GRIA2: variants seen among roughly 807,000 people sequenced by gnomAD.
GRIA2 encodes glutamate receptor 2.
Under a neutral mutation model 97.3 loss-of-function variants are expected in GRIA2, and 14 were observed. That is an observed-to-expected ratio of 0.14 (90% confidence interval 0.10 to 0.23). The LOEUF is 0.23. GRIA2 is among the 10% of genes least tolerant of loss of function. The pLI, the probability that GRIA2 is intolerant of heterozygous loss-of-function variation, is 1.00. For missense variants in GRIA2, 558 were observed against 1,069.8 expected (o/e 0.52, Z 6.67); for synonymous variants, 412 against 387.8 (o/e 1.06, Z -0.73).
At chr4:157,322,288 A>G (rs1214486185) in intron 6 of GRIA2, among the ~76,000 whole-genome samples, 6 of 151,108 alleles carry the variant, frequency 4.0e-5, no homozygotes, top group Non-Finnish European at 7.4e-5. Flanking sequence ...TGTGTATAAA[A>G]TAACAGTTGA....
At chr4:157,230,094 TG>T (rs1193370761) in intron 2 of GRIA2, among the ~76,000 whole-genome samples, 1 of 152,156 alleles carries the variant, frequency 6.6e-6, no homozygotes, top group Non-Finnish European at 1.5e-5. Context: ...ATAAATTTAA[TG>T]GAAACTCAAG....
At chr4:157,310,575 A>T (rs1734036060) in intron 3 of GRIA2, among the ~76,000 whole-genome samples, 1 of 151,992 alleles carries the variant, frequency 6.6e-6, no homozygotes, top group South Asian at 2.1e-4. Context: ...ACATCCTGCC[A>T]TCTCATCTGT....
At chr4:157,275,684 T>G (rs1336399960) in intron 2 of GRIA2, among the ~76,000 whole-genome samples, 1 of 152,272 alleles carries the variant, frequency 6.6e-6, no homozygotes, top group African/African-American at 2.4e-5. Flanking sequence ...GTTGTAGATA[T>G]GTGGCATTAT....
intron 2 of GRIA2, among the ~76,000 whole-genome samples, chr4:157,230,638 C>CT (rs111982171): frequency 0.017 from 2,395 of 144,484 alleles, 68 homozygotes; most frequent in African/African-American, 0.057. Flanking sequence ...TCCTTTCTTC[C>CT]TTTTTTTTGT....
intron 2 of GRIA2, among the ~76,000 whole-genome samples, chr4:157,265,504 G>A (rs925488892): frequency 6.6e-6 from 1 of 152,100 alleles, no homozygotes; most frequent in Non-Finnish European, 1.5e-5. Context: ...TCCCAGGGAT[G>A]AACAAATGTT....
chr4:157,262,423 A>G (rs1731582758), intron 2 of GRIA2, among the ~76,000 whole-genome samples: 5 of 151,990 alleles, frequency 3.3e-5, no homozygotes, highest in Non-Finnish European at 7.4e-5. Flanking sequence ...CATAGAAGTT[A>G]TTGGGCCAAT....
intron 2 of GRIA2, among the ~76,000 whole-genome samples, chr4:157,268,084 A>G (rs1731850908): frequency 1.3e-5 from 2 of 152,140 alleles, no homozygotes; most frequent in Admixed American, 1.3e-4. Flanking sequence ...TTTATGAAAT[A>G]TTAACTAAAG....
At chr4:157,295,057 A>T (rs1315678529) in intron 2 of GRIA2, among the ~76,000 whole-genome samples, 1 of 152,138 alleles carries the variant, frequency 6.6e-6, no homozygotes, top group African/African-American at 2.4e-5. Flanking sequence ...TCACATGAGA[A>T]TTATTGCCTA....
At chr4:157,329,585 T>G (rs912425098) in intron 6 of GRIA2, among the ~76,000 whole-genome samples, 8 of 151,958 alleles carry the variant, frequency 5.3e-5, no homozygotes, top group African/African-American at 1.9e-4. Context: ...CTGTACTTAT[T>G]AGATCACAGA....
intron 2 of GRIA2, among the ~76,000 whole-genome samples, chr4:157,271,721 G>A (rs1732033250): frequency 6.6e-6 from 1 of 152,086 alleles, no homozygotes; most frequent in South Asian, 2.1e-4. Context: ...TGTGGGTGGA[G>A]TTAAAAGCAA....
At chr4:157,252,469 A>G (rs1731059342) in intron 2 of GRIA2, among the ~76,000 whole-genome samples, 1 of 152,164 alleles carries the variant, frequency 6.6e-6, no homozygotes, top group African/African-American at 2.4e-5. Context: ...CTTTTAAGTT[A>G]AAAAGAGAAT....
In GRIA2 at chr4:157,323,410, CT is replaced by C. The variant is rs543357722; in HGVS notation, c.882+1813del. ...GGGAGGTACTTTTCATGTAACGAGG[CT>C]TCTGAGCAGGTAGATGGATACCCAG... On this transcript the variant is annotated intron_variant, in intron 6 of 15. Transcript: ENST00000264426. Among the ~76,000 whole-genome samples, 411 of 140,626 alleles carry C rather than the reference CT, an allele frequency of 2.9e-3. 4 individuals are homozygous for C. The highest frequency in any genetic ancestry group is 0.01 in the African/African-American group (388 of 38,464). 92.3% of individuals were successfully genotyped at this position (140,626 alleles called of 152,430 possible).
At chr4:157,343,561 T>A (rs1029158483) in intron 12 of GRIA2, among the ~76,000 whole-genome samples, 1 of 152,074 alleles carries the variant, frequency 6.6e-6, no homozygotes, top group African/African-American at 2.4e-5. Context: ...GTCCTCACAG[T>A]TCCTCTCAAA....
chr4:157,306,196 A>G (rs567576626), intron 3 of GRIA2, among the ~76,000 whole-genome samples: 1 of 152,208 alleles, frequency 6.6e-6, no homozygotes, highest in South Asian at 2.1e-4. Flanking sequence ...TACCCTCACC[A>G]TTGCTCCCTC....
intron 11 of GRIA2, among the ~76,000 whole-genome samples, chr4:157,338,049 T>TACAC (rs1424839302): frequency 3.1e-4 from 3 of 9,722 alleles, no homozygotes; most frequent in Non-Finnish European, 7.3e-4. Flanking sequence ...TATATATATA[T>TACAC]ACACACACAT....
At chr4:157,296,482 G>A (rs933121937) in intron 2 of GRIA2, among the ~76,000 whole-genome samples, 2 of 152,058 alleles carry the variant, frequency 1.3e-5, no homozygotes, top group African/African-American at 4.8e-5. Context: ...AAAAATTATT[G>A]TGGTTTATTT....
chr4:157,250,194 C>T (rs960695808), intron 2 of GRIA2, among the ~76,000 whole-genome samples: 2 of 152,022 alleles, frequency 1.3e-5, no homozygotes, highest in South Asian at 2.1e-4. Context: ...AGATTATATT[C>T]CTTGAGGAAA....
At chr4:157,337,323 C>T (rs1012698837) in intron 11 of GRIA2, among the ~76,000 whole-genome samples, 3 of 152,062 alleles carry the variant, frequency 2.0e-5, no homozygotes, top group African/African-American at 7.2e-5. Context: ...ATTAAAAAAC[C>T]TGTCCATATC....
chr4:157,341,003 C>T (rs1185262267), intron 11 of GRIA2, among the ~76,000 whole-genome samples: 1 of 151,952 alleles, frequency 6.6e-6, no homozygotes. Context: ...GGATTCATGT[C>T]ATAAACTATT....
Sources: gnomAD v4.1 joint callset for allele counts (sites outside exome capture counted in the v4.1 genomes callset) on GRCh38, gnomAD v4.1.1 for gene constraint, MANE v1.5 for transcripts, NCBI Gene and HGNC (gene_info 2026-07-23, HGNC 2026-07-21) for gene names.